SORCS3: variants seen among roughly 807,000 people sequenced by gnomAD.
SORCS3 encodes the protein sortilin related VPS10 domain containing receptor 3.
SORCS3 carries 57 observed loss-of-function variants against 146.3 expected under a neutral mutation model. The ratio of observed to expected loss-of-function variants is 0.39; its 90% CI spans 0.31 to 0.49. The LOEUF (loss-of-function observed/expected upper bound fraction) is 0.49. SORCS3 is among the 20% of genes least tolerant of loss of function. The pLI is 0.92. For synonymous variants in SORCS3, 653 were observed against 618.5 expected (o/e 1.06, Z -0.83); for missense variants, 1,341 against 1,575.5 (o/e 0.85, Z 2.52).
At chr10:105,023,678 C>T (rs1265259430) in intron 4 of SORCS3, among the ~76,000 whole-genome samples, 1 of 151,984 alleles carries the variant, frequency 6.6e-6, no homozygotes, top group Non-Finnish European at 1.5e-5. Context: ...ATTGAGGCTG[C>T]CTTTCTATAA....
chr10:104,780,664 A>G (rs2017364213), intron 1 of SORCS3, among the ~76,000 whole-genome samples: 1 of 152,236 alleles, frequency 6.6e-6, no homozygotes, highest in African/African-American at 2.4e-5. Flanking sequence ...GGGATGGGAG[A>G]TAAGGACCAT....
chr10:104,643,533 T>C (rs2015453818), intron 1 of SORCS3, among the ~76,000 whole-genome samples: 1 of 152,148 alleles, frequency 6.6e-6, no homozygotes, highest in Non-Finnish European at 1.5e-5. Context: ...GGCTGACAGC[T>C]CTGGCGAGAG....
intron 1 of SORCS3, among the ~76,000 whole-genome samples, chr10:104,786,462 C>A (rs1052108632): frequency 3.3e-5 from 5 of 151,480 alleles, no homozygotes; most frequent in Non-Finnish European, 7.4e-5. Context: ...GCAGGAGAAT[C>A]GCTTGGACCC....
At chr10:105,066,709 C>A (rs1052223254) in intron 5 of SORCS3, among the ~76,000 whole-genome samples, 2 of 152,146 alleles carry the variant, frequency 1.3e-5, no homozygotes, top group Non-Finnish European at 2.9e-5. Flanking sequence ...TTTGCTCTAG[C>A]TACCTGGTGT....
chr10:105,210,799 A>G (rs141564377), intron 16 of SORCS3, among the ~76,000 whole-genome samples: 103 of 152,228 alleles, frequency 6.8e-4, no homozygotes, highest in African/African-American at 2.4e-3. Context: ...CAATAATTCT[A>G]CTGTGACTTA....
intron 1 of SORCS3, among the ~76,000 whole-genome samples, chr10:104,649,366 A>G (rs1437666969): frequency 6.6e-6 from 1 of 152,248 alleles, no homozygotes; most frequent in Non-Finnish European, 1.5e-5. Flanking sequence ...GGGCTGTTGT[A>G]AGAATTAAGT....
intron 19 of SORCS3, among the ~76,000 whole-genome samples, chr10:105,222,729 C>G (rs2056711268): frequency 6.6e-6 from 1 of 152,148 alleles, no homozygotes; most frequent in African/African-American, 2.4e-5. Flanking sequence ...GAAGAGCCTT[C>G]CATACAATAC....
intron 3 of SORCS3, among the ~76,000 whole-genome samples, chr10:104,946,715 T>C (rs1381992452): frequency 6.6e-6 from 1 of 152,126 alleles, no homozygotes; most frequent in African/African-American, 2.4e-5. Flanking sequence ...CACCTCCCTG[T>C]GGGTATGAAG....
chr10:104,702,587 A>G (rs2016292676), intron 1 of SORCS3, among the ~76,000 whole-genome samples: 1 of 152,180 alleles, frequency 6.6e-6, no homozygotes, highest in South Asian at 2.1e-4. Context: ...CGTGCCTGGC[A>G]GGATACAGTT....
At chr10:105,104,520 G>A (rs2055807931) in intron 6 of SORCS3, among the ~76,000 whole-genome samples, 1 of 152,182 alleles carries the variant, frequency 6.6e-6, no homozygotes, top group African/African-American at 2.4e-5. Flanking sequence ...GGAGGGTTCA[G>A]CTGTTGAGAT....
intron 1 of SORCS3, among the ~76,000 whole-genome samples, chr10:104,839,220 T>G (rs1238468781): frequency 6.6e-6 from 1 of 152,200 alleles, no homozygotes; most frequent in Admixed American, 6.5e-5. Context: ...AGGCCACTCA[T>G]GTAACGTTCA....
intron 3 of SORCS3, among the ~76,000 whole-genome samples, chr10:104,958,487 A>G (rs1385828553): frequency 3.3e-5 from 5 of 152,164 alleles, no homozygotes. Context: ...TAAGGAGAGT[A>G]CCCTGGATTA....
intron 11 of SORCS3, among the ~76,000 whole-genome samples, chr10:105,160,055 C>T (rs988490274): frequency 6.6e-6 from 1 of 152,120 alleles, no homozygotes; most frequent in Non-Finnish European, 1.5e-5. Context: ...GAGAAGTGAT[C>T]CTCACACTCT....
chr10:104,924,384 T>C (rs1204146800), intron 3 of SORCS3, among the ~76,000 whole-genome samples: 1 of 152,154 alleles, frequency 6.6e-6, no homozygotes. Flanking sequence ...AGCACAAATA[T>C]GAAGTGGTAG....
intron 4 of SORCS3, among the ~76,000 whole-genome samples, chr10:105,019,992 T>C (rs1331729639): frequency 1.3e-5 from 2 of 152,214 alleles, no homozygotes; most frequent in South Asian, 2.1e-4. Context: ...TTGCCTTCCA[T>C]TCCATGAATT....
At chr10:104,876,402 A>G (rs987362773) in intron 2 of SORCS3, among the ~76,000 whole-genome samples, 2 of 152,136 alleles carry the variant, frequency 1.3e-5, no homozygotes, top group African/African-American at 4.8e-5. Context: ...TATTTTCTAG[A>G]TATGCACTCT....
At chr10:104,798,047 G>A (rs1589503135) in intron 1 of SORCS3, among the ~76,000 whole-genome samples, 1 of 152,068 alleles carries the variant, frequency 6.6e-6, no homozygotes, top group Non-Finnish European at 1.5e-5. Context: ...TAATTTCAGG[G>A]GTGATTTTCA....
At chr10:104,672,916 A>G (rs964714838) in intron 1 of SORCS3, among the ~76,000 whole-genome samples, 1 of 152,018 alleles carries the variant, frequency 6.6e-6, no homozygotes, top group Non-Finnish European at 1.5e-5. Flanking sequence ...TAATGCTTTT[A>G]CTTGATATAT....
intron 1 of SORCS3, among the ~76,000 whole-genome samples, chr10:104,645,239 A>G (rs1176258629): frequency 6.6e-6 from 1 of 152,136 alleles, no homozygotes; most frequent in Admixed American, 6.5e-5. Flanking sequence ...TCCAGCTGGA[A>G]TCCTGGTGAT....
Sources: allele counts gnomAD v4.1 joint callset (sites outside exome capture counted in the v4.1 genomes callset), GRCh38; gene constraint gnomAD v4.1.1; transcripts MANE v1.5; gene names NCBI Gene and HGNC (gene_info 2026-07-23, HGNC 2026-07-21).